Variants in SCN8A observed in about 807,000 individuals in gnomAD.
SCN8A encodes the protein sodium channel protein type 8 subunit alpha.
Under a neutral mutation model 184.1 loss-of-function variants are expected in SCN8A, and 30 were observed. That is an observed-to-expected ratio of 0.16 (90% CI 0.12 to 0.22). The LOEUF (loss-of-function observed/expected upper bound fraction) is 0.22. Among genes scored for constraint, SCN8A ranks in the 10% least tolerant of loss-of-function variants. SCN8A has a pLI of 1.00. For synonymous variants in SCN8A, 852 were observed against 907.0 expected, an observed-to-expected ratio of 0.94 and a Z score of 1.09; for missense variants, 1,057 against 2,498.9, an observed-to-expected ratio of 0.42 and a Z score of 12.30.
chr12:51,634,653 A>AT (rs1269981442), intron 1 of SCN8A, among the ~76,000 whole-genome samples: 1,161 of 62,424 alleles, frequency 0.019, 16 homozygotes, highest in African/African-American at 0.05. Context: ...TATTATTATT[A>AT]TTATTTTTTT....
At chr12:51,778,918 A>G (rs1937798368) in intron 20 of SCN8A, among the ~76,000 whole-genome samples, 1 of 152,152 alleles carries the variant, frequency 6.6e-6, no homozygotes, top group South Asian at 2.1e-4. Flanking sequence ...TTTGTGTTGT[A>G]AGAAACCCAG....
At position 51,721,582 on chromosome 12, in the gene SCN8A, C is replaced by T. The variant is rs1942062051; in HGVS notation, c.1672C>T (p.Arg558Cys). The T allele has an allele frequency of 1.9e-6, 3 of 1,612,440 alleles. No homozygotes were observed. The highest frequency in any genetic ancestry group is 2.5e-6 in the Non-Finnish European group (3 of 1,179,220). The change falls in exon 12 of 27, where the codon CGC becomes TGC. Residue 558 changes from arginine to cysteine, a missense_variant. Coordinates refer to ENST00000627620, the MANE Select transcript of SCN8A (RefSeq NM_001330260.2). ...LSIPGSPFLS[R>C]HNSKSSIFSF... ...CATCCCAGGCTCGCCCTTCCTCTCC[C>T]GCCACAACAGCAAGAGCAGCATCTT...
In SCN8A at chr12:51,706,708, T is replaced by G; in HGVS notation, c.1628T>G (p.Met543Arg). ...AGAATAGGGAGGAAATTTTCCATCA[T>G]GAATCAGGTAAACTCTTCTTTTTTC... Reference protein sequence around the residue: ...DNRIGRKFSIMNQSLLSIPGS... With the variant: ...DNRIGRKFSIRNQSLLSIPGS... The change falls in exon 11 of 27, where the codon ATG becomes AGG. Residue 543 changes from methionine (M) to arginine (R), a missense_variant. Physicochemically the swap from Met to Arg is moderately conservative, Grantham distance 91. Coordinates refer to ENST00000627620, the MANE Select transcript of SCN8A (RefSeq NM_001330260.2). 3 of 1,536,952 alleles carry G rather than the reference T, an allele frequency of 2.0e-6. No individual in the cohort carries two copies. Among genetic ancestry groups the G allele is most frequent in the Non-Finnish European group, 2.6e-6 (3 of 1,147,898 alleles).
chr12:51,803,266 C>T (rs1262290486), intron 26 of SCN8A, among the ~76,000 whole-genome samples: 2 of 152,134 alleles, frequency 1.3e-5, no homozygotes, highest in Non-Finnish European at 2.9e-5. Flanking sequence ...GGGCAGGAAG[C>T]ATCCAGCGCG....
chr12:51,702,337 A>G (rs1941705129), intron 8 of SCN8A, among the ~76,000 whole-genome samples: 1 of 151,756 alleles, frequency 6.6e-6, no homozygotes, highest in African/African-American at 2.4e-5. Context: ...AAAAAAAAAA[A>G]AAAAAGAGGA....
At chr12:51,740,984 C>T (rs546613617) in intron 12 of SCN8A, among the ~76,000 whole-genome samples, 1 of 152,116 alleles carries the variant, frequency 6.6e-6, no homozygotes, top group Non-Finnish European at 1.5e-5. Context: ...CAGAGTTTTG[C>T]CATGTTTCCC....
chr12:51,776,432 C>T (rs1937697533), intron 20 of SCN8A, among the ~76,000 whole-genome samples: 2 of 152,216 alleles, frequency 1.3e-5, no homozygotes, highest in Non-Finnish European at 2.9e-5. Context: ...CCTGTGAAGA[C>T]CTCTGTGCCA....
chr12:51,629,367 G>A (rs1012990973), intron 1 of SCN8A, among the ~76,000 whole-genome samples: 16 of 152,098 alleles, frequency 1.1e-4, no homozygotes, highest in African/African-American at 3.9e-4. Context: ...ATTGTAAGAT[G>A]TTTAGTAGCA....
At chr12:51,618,514 G>GA (rs1383874748) in intron 1 of SCN8A, among the ~76,000 whole-genome samples, 6 of 144,622 alleles carry the variant, frequency 4.1e-5, no homozygotes, top group African/African-American at 1.3e-4. Flanking sequence ...CACACAGAAA[G>GA]AAAAAAAGGC....
chr12:51,768,655 A>G (rs138341142), intron 16 of SCN8A, among the ~76,000 whole-genome samples: 1,622 of 152,330 alleles, frequency 0.011, 27 homozygotes, highest in African/African-American at 0.035. Flanking sequence ...AGACCCAAGA[A>G]AAGAGGTGCT....
At chr12:51,706,354 C>T in intron 10 of SCN8A, 68 bp from the exon 11 acceptor site, 3 of 1,424,768 alleles carry the variant, frequency 2.1e-6, no homozygotes, top group Non-Finnish European at 2.8e-6. Context: ...TCTGTACTAA[C>T]TGGTTGGCTT....
intron 25 of SCN8A, among the ~76,000 whole-genome samples, chr12:51,792,488 CAAAAAAAA>C (rs71092723): frequency 3.9e-5 from 2 of 51,590 alleles, no homozygotes; most frequent in East Asian, 6.2e-4. Context: ...GACCCTATCT[CAAAAAAAA>C]AAAAAAAAAA....
At chr12:51,618,956 T>C (rs776089272) in intron 1 of SCN8A, among the ~76,000 whole-genome samples, 2 of 152,216 alleles carry the variant, frequency 1.3e-5, no homozygotes, top group Non-Finnish European at 2.9e-5. Flanking sequence ...ATTGGAAAGC[T>C]GTAAAGGGAA....
intron 12 of SCN8A, among the ~76,000 whole-genome samples, chr12:51,729,083 A>G (rs1369881025): frequency 1.3e-5 from 2 of 152,158 alleles, no homozygotes; most frequent in African/African-American, 2.4e-5. Flanking sequence ...CATTTGGTTG[A>G]TCTTTATTTC....
intron 1 of SCN8A, among the ~76,000 whole-genome samples, chr12:51,605,005 A>G (rs1398198785): frequency 6.6e-6 from 1 of 151,996 alleles, no homozygotes; most frequent in Non-Finnish European, 1.5e-5. Flanking sequence ...CCTAACGTCC[A>G]CCCTAAAGTA....
At chr12:51,621,560 G>A (rs1421355630) in intron 1 of SCN8A, among the ~76,000 whole-genome samples, 1 of 152,224 alleles carries the variant, frequency 6.6e-6, no homozygotes, top group East Asian at 1.9e-4. Context: ...CCACAGACTA[G>A]GACATTGCTA....
intron 1 of SCN8A, among the ~76,000 whole-genome samples, chr12:51,634,509 A>T (rs952215857): frequency 3.9e-5 from 6 of 152,134 alleles, no homozygotes; most frequent in Non-Finnish European, 5.9e-5. Context: ...ACAACTTTTG[A>T]ATGTTATTGG....
At chr12:51,653,683 C>T (rs1216355145) in intron 1 of SCN8A, among the ~76,000 whole-genome samples, 1 of 152,084 alleles carries the variant, frequency 6.6e-6, no homozygotes, top group Non-Finnish European at 1.5e-5. Context: ...GCTTTCAGTT[C>T]TTTTGGAATT....
chr12:51,800,567 A>C (rs1181078408), intron 26 of SCN8A, among the ~76,000 whole-genome samples: 1 of 152,226 alleles, frequency 6.6e-6, no homozygotes, highest in Non-Finnish European at 1.5e-5. Context: ...ACTACCAGTC[A>C]GCCAATATGG....
Sources: gnomAD v4.1 joint callset for allele counts (sites outside exome capture counted in the v4.1 genomes callset) on GRCh38, gnomAD v4.1.1 for gene constraint, MANE v1.5 for transcripts, NCBI Gene and HGNC (gene_info 2026-07-23, HGNC 2026-07-21) for gene names.